The following SCN1A variants were observed in gnomAD, a reference collection of about 807,000 sequenced individuals.
The protein encoded by SCN1A is sodium voltage-gated channel alpha subunit 1, also known as sodium channel protein type 1 subunit alpha.
SCN1A carries 13 observed loss-of-function variants against 193.7 expected under a neutral mutation model. That is an observed-to-expected ratio of 0.07 (90% CI 0.04 to 0.11). SCN1A has a LOEUF of 0.11. SCN1A is among the 10% of genes least tolerant of loss of function. The pLI, the probability that SCN1A is intolerant of heterozygous loss-of-function variation, is 1.00. For synonymous variants in SCN1A, 781 were observed against 843.6 expected (o/e 0.93, Z 1.29); for missense variants, 1,432 against 2,451.1 (o/e 0.58, Z 8.78).
chr2:166,139,419 A>G (rs1691994286), intron 1 of SCN1A, among the ~76,000 whole-genome samples: 1 of 152,150 alleles, frequency 6.6e-6, no homozygotes, highest in Non-Finnish European at 1.5e-5. Flanking sequence ...ATGATAGTGA[A>G]TAAGTCTCAC....
intron 4 of SCN1A, among the ~76,000 whole-genome samples, chr2:166,065,798 C>CATAT (rs1272449778): frequency 6.6e-6 from 1 of 152,030 alleles, no homozygotes; most frequent in African/African-American, 2.4e-5. Flanking sequence ...TAGGTACCTG[C>CATAT]CAGTTTTAGG....
At chr2:166,132,838 G>A (rs115236967), upstream of SCN1A, among the ~76,000 whole-genome samples, 3,304 of 152,000 alleles carry the variant, frequency 0.022, 50 homozygotes, top group South Asian at 0.057. Flanking sequence ...TCCCCTCCCC[G>A]CAACTGGAAT....
intron 16 of SCN1A, 79 bp downstream of exon 16, chr2:166,041,152 G>A (rs1697114485): frequency 5.7e-6 from 6 of 1,044,102 alleles, no homozygotes; most frequent in Non-Finnish European, 7.5e-6. Context: ...TTGAAAGACT[G>A]CTATACACAA....
intron 1 of SCN1A, among the ~76,000 whole-genome samples, chr2:166,144,346 C>A (rs1692217403): frequency 6.6e-6 from 1 of 152,122 alleles, no homozygotes; most frequent in African/African-American, 2.4e-5. Flanking sequence ...TGTGGTACCT[C>A]TGGTAAAGCT....
intron 4 of SCN1A, among the ~76,000 whole-genome samples, chr2:166,061,329 G>C (rs1421077050): frequency 3.3e-5 from 5 of 152,258 alleles, no homozygotes; most frequent in Admixed American, 1.3e-4. Flanking sequence ...AAAAGTAAAA[G>C]AGGCAAGATT....
intron 2 of SCN1A, among the ~76,000 whole-genome samples, chr2:166,089,126 G>A (rs1169100836): frequency 6.6e-6 from 1 of 152,022 alleles, no homozygotes; most frequent in Non-Finnish European, 1.5e-5. Flanking sequence ...CCATCAACCT[G>A]TCATCTACAT....
At chr2:166,084,702 A>C (rs1049112740) in intron 2 of SCN1A, among the ~76,000 whole-genome samples, 3 of 152,112 alleles carry the variant, frequency 2.0e-5, no homozygotes, top group African/African-American at 7.2e-5. Flanking sequence ...AAAATAATGC[A>C]GTGTTTTCAG....
chr2:166,093,942 T>C (rs1016266586), intron 2 of SCN1A, among the ~76,000 whole-genome samples: 1 of 152,188 alleles, frequency 6.6e-6, no homozygotes, highest in African/African-American at 2.4e-5. Flanking sequence ...AAGACTGATA[T>C]TTCATTAGAA....
intron 6 of SCN1A, among the ~76,000 whole-genome samples, chr2:166,055,524 G>A (rs1699048371): frequency 6.6e-6 from 1 of 151,968 alleles, no homozygotes; most frequent in African/African-American, 2.4e-5. Flanking sequence ...AAGTGTCTAG[G>A]AAAGGAGACA....
chr2:166,123,832 C>T (rs1218630288), intron 2 of SCN1A, among the ~76,000 whole-genome samples: 2 of 151,964 alleles, frequency 1.3e-5, no homozygotes, highest in African/African-American at 4.8e-5. Flanking sequence ...TCTGAGATTC[C>T]ACAGATCTGG....
intron 25 of SCN1A, 36 bp downstream of exon 25, chr2:165,999,687 T>C: frequency 1.4e-6 from 2 of 1,386,034 alleles, no homozygotes; most frequent in South Asian, 1.2e-5. Flanking sequence ...ACCTGATCAA[T>C]ATTGTAAAAA....
At chr2:166,050,637 ATGTGTG>A (rs1369596988) in intron 9 of SCN1A, among the ~76,000 whole-genome samples, 3 of 77,136 alleles carry the variant, frequency 3.9e-5, no homozygotes, top group Non-Finnish European at 7.2e-5. Flanking sequence ...ATATATATAT[ATGTGTG>A]TATATATTTT....
chr2:165,998,609 TTACCC>T (rs1690413688), intron 25 of SCN1A, among the ~76,000 whole-genome samples: 1 of 151,368 alleles, frequency 6.6e-6, no homozygotes, highest in South Asian at 2.1e-4. Flanking sequence ...GTTTGGCACT[TTACCC>T]TAAAGTAACA....
chr2:166,045,523 A>G (rs545987886), intron 12 of SCN1A, among the ~76,000 whole-genome samples, 196 bp from the exon 13 acceptor site: 1 of 152,218 alleles, frequency 6.6e-6, no homozygotes, highest in East Asian at 1.9e-4. Context: ...GAGATAATTT[A>G]GTTTGCTCCA....
At chr2:166,073,103 GCTGGGATTACAGGCTTGAGCCACCGCAC>G (rs989835260) in intron 4 of SCN1A, among the ~76,000 whole-genome samples, 4 of 152,092 alleles carry the variant, frequency 2.6e-5, no homozygotes, top group Admixed American at 2.0e-4. Context: ...CCCTCAAAGT[GCTGGGATTACAGGCTTGAGCCACCGCAC>G]CTGGCCTCTT....
At chr2:166,116,995 G>A (rs1689943544) in intron 2 of SCN1A, among the ~76,000 whole-genome samples, 1 of 152,134 alleles carries the variant, frequency 6.6e-6, no homozygotes, top group African/African-American at 2.4e-5. Flanking sequence ...AACCCTGTAA[G>A]TTTTGAGAAG....
chr2:165,997,050 T>C (rs1690173876), intron 26 of SCN1A, among the ~76,000 whole-genome samples: 1 of 151,366 alleles, frequency 6.6e-6, no homozygotes, highest in Non-Finnish European at 1.5e-5. Context: ...TGGGTGTTCA[T>C]ACACTGATAT....
intron 26 of SCN1A, among the ~76,000 whole-genome samples, 186 bp downstream of exon 26, chr2:165,997,852 C>CTCT (rs1184493426): frequency 6.6e-6 from 1 of 151,044 alleles, no homozygotes; most frequent in African/African-American, 2.4e-5. Context: ...GTGTGGAACA[C>CTCT]AGTTATTCTT....
intron 2 of SCN1A, among the ~76,000 whole-genome samples, chr2:166,122,481 C>T (rs542866964): frequency 6.6e-6 from 1 of 152,092 alleles, no homozygotes. Context: ...TTTTCTGATT[C>T]TTTAAAGTTA....
Sources: gnomAD v4.1 joint callset for allele counts (sites outside exome capture counted in the v4.1 genomes callset) on GRCh38, gnomAD v4.1.1 for gene constraint, MANE v1.5 for transcripts, NCBI Gene and HGNC (gene_info 2026-07-23, HGNC 2026-07-21) for gene names.